CCSER1: variants seen among roughly 807,000 people sequenced by gnomAD.
CCSER1 encodes the protein serine-rich coiled-coil domain-containing protein 1.
CCSER1 carries 41 observed loss-of-function variants against 82.0 expected under a neutral mutation model. The observed-to-expected ratio is 0.50, with a 90% CI of 0.39 to 0.65. CCSER1 has a LOEUF of 0.65. CCSER1 is among the 30% of genes least tolerant of loss of function. The pLI, the probability that CCSER1 is intolerant of heterozygous loss-of-function variation, is 0.00. For missense variants in CCSER1, 1,119 were observed against 1,064.2 expected (o/e 1.05, Z -0.72); for synonymous variants, 414 against 383.9 (o/e 1.08, Z -0.92).
intron 9 of CCSER1, among the ~76,000 whole-genome samples, chr4:91,020,661 C>CA (rs553695061): frequency 0.016 from 2,107 of 132,570 alleles, 23 homozygotes; most frequent in South Asian, 0.027. Flanking sequence ...GACTCCGTCT[C>CA]AAAAAAAAAA....
At chr4:90,460,176 T>C (rs1200394653) in intron 4 of CCSER1, among the ~76,000 whole-genome samples, 1 of 147,694 alleles carries the variant, frequency 6.8e-6, no homozygotes, top group African/African-American at 2.6e-5. Flanking sequence ...AATACAAAAA[T>C]TAGCCGGGCA....
chr4:90,990,512 C>T (rs1397365774), intron 9 of CCSER1, among the ~76,000 whole-genome samples: 2 of 151,952 alleles, frequency 1.3e-5, no homozygotes, highest in Non-Finnish European at 2.9e-5. Context: ...TCAGACTCTG[C>T]TTATCAGACT....
At chr4:90,734,328 C>T (rs371206716) in intron 7 of CCSER1, among the ~76,000 whole-genome samples, 45 of 151,732 alleles carry the variant, frequency 3.0e-4, no homozygotes, top group African/African-American at 7.0e-4. Context: ...GGTTTCACTG[C>T]GTTAGCCAGG....
At chr4:91,085,912 C>A in intron 9 of CCSER1, 38 bp from the exon 10 acceptor site, 1 of 1,142,670 alleles carries the variant, frequency 8.8e-7, no homozygotes, top group Non-Finnish European at 1.3e-6. Flanking sequence ...TTTAATTCTT[C>A]GTTGCCAATA....
chr4:90,449,416 C>G (rs1761122997), intron 4 of CCSER1, among the ~76,000 whole-genome samples: 1 of 152,210 alleles, frequency 6.6e-6, no homozygotes, highest in Non-Finnish European at 1.5e-5. Context: ...TCAAGCTATT[C>G]CCAGATTCAA....
At chr4:91,021,464 T>A (rs1156973533) in intron 9 of CCSER1, among the ~76,000 whole-genome samples, 1 of 152,208 alleles carries the variant, frequency 6.6e-6, no homozygotes, top group Non-Finnish European at 1.5e-5. Flanking sequence ...TAAAAATAGT[T>A]TTTTTAATTT....
intron 5 of CCSER1, among the ~76,000 whole-genome samples, chr4:90,489,042 T>G (rs1767560172): frequency 6.6e-6 from 1 of 152,206 alleles, no homozygotes. Context: ...ATAATGAGAC[T>G]GCCTTGTACT....
At chr4:90,296,379 A>T (rs1045125051) in intron 1 of CCSER1, among the ~76,000 whole-genome samples, 1 of 152,094 alleles carries the variant, frequency 6.6e-6, no homozygotes, top group Non-Finnish European at 1.5e-5. Context: ...TGAGTTGTAG[A>T]TTCTGGATAT....
chr4:90,781,666 C>T (rs1023153432), intron 7 of CCSER1: 5 of 972,364 alleles, frequency 5.1e-6, no homozygotes, highest in Non-Finnish European at 6.1e-6. Flanking sequence ...ATGTATTAAG[C>T]AATCCTGGCT....
chr4:90,813,387 CT>C (rs1280749682), intron 7 of CCSER1, among the ~76,000 whole-genome samples: 2 of 152,336 alleles, frequency 1.3e-5, no homozygotes, highest in East Asian at 3.9e-4. Flanking sequence ...AGCTCCACCC[CT>C]GTGGCTCTGT....
intron 10 of CCSER1, among the ~76,000 whole-genome samples, chr4:91,242,115 G>T (rs1352637740): frequency 6.6e-6 from 1 of 151,924 alleles, no homozygotes; most frequent in Non-Finnish European, 1.5e-5. Context: ...TTTAAGCAGA[G>T]GTAAAAATTT....
chr4:90,314,222 G>C (rs1235998137), intron 3 of CCSER1, among the ~76,000 whole-genome samples: 1 of 152,070 alleles, frequency 6.6e-6, no homozygotes, highest in Non-Finnish European at 1.5e-5. Context: ...GTGAGTATGT[G>C]TTTACATTTG....
At chr4:90,749,184 G>A (rs9760741) in intron 7 of CCSER1, among the ~76,000 whole-genome samples, 38,759 of 149,076 alleles carry the variant, frequency 0.26, 5,650 homozygotes, top group East Asian at 0.32. Context: ...TAACGTTTAA[G>A]TCTTTAATCC....
intron 3 of CCSER1, among the ~76,000 whole-genome samples, chr4:90,373,775 T>G (rs1747856014): frequency 6.6e-6 from 1 of 152,142 alleles, no homozygotes; most frequent in Non-Finnish European, 1.5e-5. Context: ...TTCAAGGATA[T>G]TTTTACAAGG....
At chr4:91,117,158 T>G (rs942346424) in intron 10 of CCSER1, among the ~76,000 whole-genome samples, 2 of 152,224 alleles carry the variant, frequency 1.3e-5, no homozygotes, top group African/African-American at 2.4e-5. Flanking sequence ...AATAAAAAGA[T>G]AGCATTCATT....
At chr4:91,381,721 C>T (rs1006127300) in intron 10 of CCSER1, among the ~76,000 whole-genome samples, 6 of 152,146 alleles carry the variant, frequency 3.9e-5, no homozygotes, top group Non-Finnish European at 8.8e-5. Flanking sequence ...GTTTGATTGT[C>T]TGAAGCCTTC....
chr4:90,779,843 A>G (rs573031032), intron 7 of CCSER1, among the ~76,000 whole-genome samples: 23 of 152,242 alleles, frequency 1.5e-4, no homozygotes, highest in Non-Finnish European at 2.8e-4. Context: ...TTGACTGAGA[A>G]CATGCTTTTT....
At chr4:90,933,410 A>G (rs1462704487) in intron 9 of CCSER1, among the ~76,000 whole-genome samples, 1 of 151,284 alleles carries the variant, frequency 6.6e-6, no homozygotes, top group African/African-American at 2.4e-5. Flanking sequence ...GATGGTCTCA[A>G]TCTCCTGACC....
intron 10 of CCSER1, among the ~76,000 whole-genome samples, chr4:91,353,403 C>G (rs1748613323): frequency 6.6e-6 from 1 of 152,188 alleles, no homozygotes; most frequent in Non-Finnish European, 1.5e-5. Context: ...TGTCTGTAAT[C>G]TATGAATAAC....
Sources: gnomAD v4.1 joint callset for allele counts (sites outside exome capture counted in the v4.1 genomes callset) on GRCh38, gnomAD v4.1.1 for gene constraint, MANE v1.5 for transcripts, NCBI Gene and HGNC (gene_info 2026-07-23, HGNC 2026-07-21) for gene names.